Variants in PTPRO observed in about 807,000 individuals in gnomAD.
The protein encoded by PTPRO is receptor-type tyrosine-protein phosphatase O.
PTPRO carries 62 observed loss-of-function variants against 145.2 expected under a neutral mutation model. The observed-to-expected ratio is 0.43, with a 90% CI of 0.35 to 0.53. The LOEUF (loss-of-function observed/expected upper bound fraction) is 0.53. Among genes scored for constraint, PTPRO ranks in the 20% least tolerant of loss-of-function variants. The probability of loss-of-function intolerance (pLI) is 0.01; values close to 1 mark genes in which losing one functional copy is unlikely to be tolerated. For missense variants in PTPRO, 1,345 were observed against 1,482.7 expected (o/e 0.91, Z 1.53); for synonymous variants, 565 against 514.7 (o/e 1.10, Z -1.32).
intron 18 of PTPRO, among the ~76,000 whole-genome samples, chr12:15,568,007 G>A (rs1450880916): frequency 6.6e-6 from 1 of 152,126 alleles, no homozygotes; most frequent in Non-Finnish European, 1.5e-5. Context: ...CAGTTTAAAG[G>A]TATTCTCTGG....
At chr12:15,498,391 C>A (rs1298461759) in intron 3 of PTPRO, among the ~76,000 whole-genome samples, 1 of 152,104 alleles carries the variant, frequency 6.6e-6, no homozygotes, top group Non-Finnish European at 1.5e-5. Context: ...ACCGTCTCTA[C>A]TAAAACATAC....
intron 1 of PTPRO, among the ~76,000 whole-genome samples, chr12:15,417,128 T>C (rs778457131): frequency 5.3e-5 from 8 of 151,562 alleles, no homozygotes; most frequent in Admixed American, 6.6e-5. Context: ...ACAGTCCAAC[T>C]ACATGCAAAG....
chr12:15,569,712 G>C lies in PTPRO; in HGVS notation c.2829+214G>C, dbSNP rs556953765. Among the ~76,000 whole-genome samples the C allele has an allele frequency of 4.3e-4, 65 of 152,282 alleles. 1 individual carries two copies. In the South Asian group the frequency reaches 0.013, roughly 31 times the overall value. On this transcript the variant is annotated intron_variant, in intron 19 of 26. Transcript: ENST00000281171. ...CACAAATGAGATGAGGGGAAGAAGA[G>C]AATAGGTGCAGGTACTGAGGTGAGC... is the stretch of plus-strand genomic sequence containing the variant.
chr12:15,575,642 G>C (rs1192385287), intron 19 of PTPRO, among the ~76,000 whole-genome samples: 3 of 152,226 alleles, frequency 2.0e-5, no homozygotes, highest in Non-Finnish European at 4.4e-5. Context: ...CTGCTACTGG[G>C]TTTGGGTGAC....
chr12:15,406,487 A>G (rs1939651168), intron 1 of PTPRO, among the ~76,000 whole-genome samples: 1 of 152,182 alleles, frequency 6.6e-6, no homozygotes. Context: ...ACTGTCATTT[A>G]AAAAATTAAT....
chr12:15,510,744 A>G (rs1270839330), intron 7 of PTPRO, among the ~76,000 whole-genome samples: 6 of 152,140 alleles, frequency 3.9e-5, no homozygotes, highest in Non-Finnish European at 8.8e-5. Flanking sequence ...TCATACCACT[A>G]TAGTCCATTA....
At chr12:15,489,431 G>A (rs144911728) in intron 2 of PTPRO, among the ~76,000 whole-genome samples, 4 of 152,198 alleles carry the variant, frequency 2.6e-5, no homozygotes, top group Admixed American at 1.3e-4. Flanking sequence ...TAACAAGGGG[G>A]TGGATTATTC....
At chr12:15,358,410 C>T (rs1303399891) in intron 1 of PTPRO, among the ~76,000 whole-genome samples, 1 of 152,054 alleles carries the variant, frequency 6.6e-6, no homozygotes, top group African/African-American at 2.4e-5. Context: ...ATGATCTATG[C>T]ATTCCTGAGC....
intron 2 of PTPRO, among the ~76,000 whole-genome samples, chr12:15,493,936 T>A (rs1942050769): frequency 1.3e-5 from 2 of 152,170 alleles, no homozygotes; most frequent in Non-Finnish European, 2.9e-5. Context: ...TAAAATAAAA[T>A]TTTTAGACGT....
At chr12:15,354,321 C>T (rs1045100731) in intron 1 of PTPRO, among the ~76,000 whole-genome samples, 3 of 152,130 alleles carry the variant, frequency 2.0e-5, no homozygotes, top group African/African-American at 7.2e-5. Flanking sequence ...GAAGCTTCAC[C>T]ATAAATGTGA....
chr12:15,558,386 T>C (rs1943692078), intron 16 of PTPRO, among the ~76,000 whole-genome samples: 1 of 152,196 alleles, frequency 6.6e-6, no homozygotes, highest in Non-Finnish European at 1.5e-5. Context: ...ATGGCTTCAT[T>C]TTTCTTTATG....
intron 6 of PTPRO, among the ~76,000 whole-genome samples, chr12:15,506,406 C>T (rs1233004538): frequency 6.6e-6 from 1 of 152,196 alleles, no homozygotes; most frequent in Non-Finnish European, 1.5e-5. Context: ...TCAGTTTCCT[C>T]ATCAGCAAAT....
At chr12:15,448,357 A>AAAAAAAAAAAAAAC (rs1565635332) in intron 1 of PTPRO, among the ~76,000 whole-genome samples, 1 of 149,540 alleles carries the variant, frequency 6.7e-6, no homozygotes. Flanking sequence ...AAAAAAAAAA[A>AAAAAAAAAAAAAAC]AAAGCACCGA....
intron 1 of PTPRO, among the ~76,000 whole-genome samples, chr12:15,333,132 T>C (rs1866660065): frequency 6.6e-6 from 1 of 152,222 alleles, no homozygotes; most frequent in Non-Finnish European, 1.5e-5. Context: ...GAGTTGGGAA[T>C]GCTAGTGTGA....
intron 12 of PTPRO, among the ~76,000 whole-genome samples, chr12:15,541,067 C>T (rs1203896177): frequency 6.6e-6 from 1 of 152,142 alleles, no homozygotes; most frequent in African/African-American, 2.4e-5. Context: ...ATGTCTATCC[C>T]CCTTACCCAT....
chr12:15,542,583 A>G (rs1023279745), intron 12 of PTPRO, among the ~76,000 whole-genome samples: 11 of 152,216 alleles, frequency 7.2e-5, no homozygotes, highest in African/African-American at 2.4e-4. Flanking sequence ...CTAACTCAGT[A>G]CTATTCATTT....
chr12:15,353,579 G>A (rs758479681), intron 1 of PTPRO, among the ~76,000 whole-genome samples: 1 of 152,152 alleles, frequency 6.6e-6, no homozygotes, highest in African/African-American at 2.4e-5. Flanking sequence ...TTTGATGAGA[G>A]GCATGAGCAG....
At chr12:15,475,685 T>C (rs1485290949) in intron 1 of PTPRO, among the ~76,000 whole-genome samples, 13 of 152,166 alleles carry the variant, frequency 8.5e-5, no homozygotes. Flanking sequence ...CAGCTCTCGG[T>C]GAATTTGAAA....
Position 15,580,643 on chromosome 12 carries a change from C to A in PTPRO, c.2998-54C>A, listed in dbSNP as rs566056601. 8.7e-5 allele frequency: 140 copies of A among 1,611,314 alleles called. No individual in the cohort carries two copies. In the East Asian group the frequency reaches 2.6e-3, roughly 30 times the overall value. On this transcript the variant is annotated intron_variant, in intron 21 of 26. Coordinates refer to ENST00000281171, the MANE Select transcript of PTPRO (RefSeq NM_030667.3). ...TTTTTTTCCCATAGGCGTGAAGCAG[C>A]ATTTGGTGTTGACAGTGTCTGGTTA... is the stretch of plus-strand genomic sequence containing the variant.
Sources: gnomAD v4.1 joint callset for allele counts (sites outside exome capture counted in the v4.1 genomes callset) on GRCh38, gnomAD v4.1.1 for gene constraint, MANE v1.5 for transcripts, NCBI Gene and HGNC (gene_info 2026-07-23, HGNC 2026-07-21) for gene names.